Variants in TAX1BP1 observed in about 807,000 individuals in gnomAD.
TAX1BP1 encodes the protein Tax1 binding protein 1, also known as tax1-binding protein 1.
TAX1BP1 carries 62 observed loss-of-function variants against 97.7 expected under a neutral mutation model. That is an observed-to-expected ratio of 0.63 (90% CI 0.52 to 0.78). TAX1BP1 has a LOEUF of 0.78. Ranked by LOEUF, TAX1BP1 falls within the 30% of genes least tolerant of loss-of-function variation. The probability of loss-of-function intolerance (pLI) is 0.00; values close to 1 mark genes in which losing one functional copy is unlikely to be tolerated. For synonymous variants in TAX1BP1, 340 were observed against 304.2 expected, an observed-to-expected ratio of 1.12 and a Z score of -1.23; for missense variants, 867 against 916.1, an observed-to-expected ratio of 0.95 and a Z score of 0.69.
intron 5 of TAX1BP1, among the ~76,000 whole-genome samples, chr7:27,778,369 T>C (rs1163207185): frequency 6.6e-6 from 1 of 152,130 alleles, no homozygotes; most frequent in African/African-American, 2.4e-5. Flanking sequence ...GTTCGCCTAG[T>C]CACACTCTTG....
chr7:27,813,559 G>C (rs1018607816), intron 13 of TAX1BP1, among the ~76,000 whole-genome samples: 1 of 151,974 alleles, frequency 6.6e-6, no homozygotes, highest in Non-Finnish European at 1.5e-5. Context: ...TTGCCATGTT[G>C]CCCAGGCTGG....
At chr7:27,764,891 C>T (rs2128311142) in intron 3 of TAX1BP1, among the ~76,000 whole-genome samples, 1 of 148,004 alleles carries the variant, frequency 6.8e-6, no homozygotes, top group South Asian at 2.1e-4. Context: ...AAGTGGGCTC[C>T]TGTATTTTTT....
chr7:27,765,933 C>T lies in TAX1BP1; in HGVS notation c.365C>T (p.Ala122Val). Reference protein sequence around the residue: ...RGASTPFQFRASSPVEELLTM... With the variant: ...RGASTPFQFRVSSPVEELLTM... ...GCAAGTACACCTTTCCAGTTTCGAG[C>T]TTCTTCTCCAGTTGAAGAGCTGCTT... Residue 122 changes from alanine (A) to valine (V), a missense_variant, in exon 4 of 17, where the codon GCT becomes GTT. This residue lies in a region of TAX1BP1 where 822 missense variants were observed against 851.4 expected (regional missense o/e 0.97). Transcript: ENST00000396319. 1 of 1,614,146 alleles carries T rather than the reference C, an allele frequency of 6.2e-7. No homozygotes were observed. The highest frequency in any genetic ancestry group is 8.5e-7 in the Non-Finnish European group (1 of 1,180,018).
intron 15 of TAX1BP1, among the ~76,000 whole-genome samples, chr7:27,817,472 G>A (rs1277812726): frequency 1.3e-5 from 2 of 152,096 alleles, no homozygotes; most frequent in African/African-American, 4.8e-5. Flanking sequence ...TTAGATTTTA[G>A]TGTGGACTCT....
chr7:27,775,162 A>C (rs1342299765), intron 5 of TAX1BP1, among the ~76,000 whole-genome samples: 2 of 152,200 alleles, frequency 1.3e-5, no homozygotes, highest in African/African-American at 4.8e-5. Context: ...CCAGGAAAAA[A>C]ATAATCCAAG....
chr7:27,792,061 C>A lies in TAX1BP1; in HGVS notation c.1094C>A (p.Ala365Glu), dbSNP rs905688332. ...CGTAAAGCAGAGGAACAGGTTCAGG[C>A]AACTCGGCAAGAAGTTGTCTTTCTG... is the stretch of plus-strand genomic sequence containing the variant. ...QLRKAEEQVQ[A>E]TRQEVVFLAK... is the part of the protein sequence containing the mutation. Residue 365 changes from alanine to glutamate, a missense_variant, in exon 9 of 17, where the codon GCA becomes GAA. This residue lies in a region of TAX1BP1 where 822 missense variants were observed against 851.4 expected (regional missense o/e 0.97). Transcript: ENST00000396319. The A allele has an allele frequency of 6.2e-7, 1 of 1,614,042 alleles. No homozygotes were observed. Among genetic ancestry groups the A allele is most frequent in the Non-Finnish European group, 8.5e-7 (1 of 1,180,008 alleles).
At chr7:27,742,568 A>G (rs1307599657) in intron 1 of TAX1BP1, among the ~76,000 whole-genome samples, 1 of 152,102 alleles carries the variant, frequency 6.6e-6, no homozygotes, top group East Asian at 1.9e-4. Flanking sequence ...TCCTATGTCT[A>G]CTTCTTTCTA....
chr7:27,767,236 A>G (rs970623626), intron 4 of TAX1BP1, among the ~76,000 whole-genome samples: 1 of 152,256 alleles, frequency 6.6e-6, no homozygotes, highest in East Asian at 1.9e-4. Context: ...TTGGTTCAGT[A>G]TACATTTTTG....
chr7:27,808,020 G>A (rs1790407695), intron 13 of TAX1BP1, among the ~76,000 whole-genome samples: 1 of 151,980 alleles, frequency 6.6e-6, no homozygotes. Flanking sequence ...ATTACTTTCT[G>A]GTGCAGAAGG....
chr7:27,782,090 C>T (rs536404211), intron 5 of TAX1BP1, among the ~76,000 whole-genome samples: 1 of 152,194 alleles, frequency 6.6e-6, no homozygotes, highest in Admixed American at 6.5e-5. Flanking sequence ...CATTTTCACT[C>T]TCTTTTTAAA....
intron 5 of TAX1BP1, among the ~76,000 whole-genome samples, chr7:27,779,368 A>G (rs962086464): frequency 9.9e-5 from 15 of 152,140 alleles, no homozygotes; most frequent in Admixed American, 2.0e-4. Context: ...GAGATCCTCT[A>G]CCATATGTAT....
chr7:27,802,892 C>T (rs1790192902), intron 13 of TAX1BP1, among the ~76,000 whole-genome samples: 1 of 152,064 alleles, frequency 6.6e-6, no homozygotes, highest in Non-Finnish European at 1.5e-5. Flanking sequence ...TGAAAATATT[C>T]ATGCAATTTC....
intron 15 of TAX1BP1, 63 bp from the exon 16 acceptor site, chr7:27,827,675 G>C: frequency 7.2e-7 from 1 of 1,383,288 alleles, no homozygotes; most frequent in Non-Finnish European, 1.0e-6. Context: ...GTGCTTGATT[G>C]AATTAAGGAA....
intron 8 of TAX1BP1, 107 bp from the exon 9 acceptor site, chr7:27,791,899 C>G: frequency 1.0e-6 from 1 of 967,312 alleles, no homozygotes; most frequent in Non-Finnish European, 1.6e-6. Context: ...AGTAGAAAAA[C>G]CAATATCTAA....
In TAX1BP1 at chr7:27,789,429, G is replaced by A. The variant is rs537944729; in HGVS notation, c.1038+1826G>A. On this transcript the variant is annotated intron_variant, in intron 8 of 16. Coordinates refer to ENST00000396319, the MANE Select transcript of TAX1BP1 (RefSeq NM_006024.7). ...TTTTTTAAACCCTTTTCTTACCTAT[G>A]CCCATAGATAAACATTTTCATAAGT... Among the ~76,000 whole-genome samples the A allele has an allele frequency of 7.9e-5, 12 of 151,442 alleles. No homozygotes were observed. In the East Asian group the frequency reaches 2.1e-3, roughly 27 times the overall value.
At chr7:27,825,945 A>C (rs1055181335) in intron 15 of TAX1BP1, among the ~76,000 whole-genome samples, 6 of 152,156 alleles carry the variant, frequency 3.9e-5, no homozygotes, top group African/African-American at 1.4e-4. Flanking sequence ...TTTCTTCAGC[A>C]TTTCAATATT....
At position 27,785,260 on chromosome 7, in the gene TAX1BP1, A is replaced by G. The variant is rs1200240156; in HGVS notation, c.710A>G (p.Asp237Gly). The change falls in exon 6 of 17, where the codon GAT (aspartate) becomes GGT (glycine). Residue 237 changes from aspartate to glycine, a missense_variant. Transcript: ENST00000396319. Reference sequence around the variant, plus strand: ...TCCAAAGCCCATCAGCTTGAGGAAGATATTGTGTCAGTAACACATAAAGCA... The same window carrying G: ...TCCAAAGCCCATCAGCTTGAGGAAGGTATTGTGTCAGTAACACATAAAGCA... Reference protein sequence around the residue: ...ATSKAHQLEEDIVSVTHKAIE... With the variant: ...ATSKAHQLEEGIVSVTHKAIE... The G allele has an allele frequency of 1.2e-6, 2 of 1,613,368 alleles. No individual in the cohort carries two copies. The highest frequency in any genetic ancestry group is 1.1e-5 in the South Asian group (1 of 90,980).
In TAX1BP1 at chr7:27,769,792, C is replaced by T. The variant is rs1182614276; in HGVS notation, c.570C>T (p.Asn190=). ...EQVGRMEREL[N]HEKERCDQLQ... is the part of the protein sequence containing the mutation. Reference sequence around the variant, plus strand: ...TTGGGAGAATGGAAAGAGAACTTAACCATGAGAAAGAAAGATGTGACCAAC... The same window carrying T: ...TTGGGAGAATGGAAAGAGAACTTAATCATGAGAAAGAAAGATGTGACCAAC... The change falls in exon 5 of 17, where the codon AAC becomes AAT. Residue 190 remains asparagine (N), a synonymous_variant. Transcript: ENST00000396319. The T allele has an allele frequency of 6.2e-7, 1 of 1,612,426 alleles. No homozygotes were observed. The highest frequency in any genetic ancestry group is 2.2e-5 in the East Asian group (1 of 44,770).
intron 15 of TAX1BP1, among the ~76,000 whole-genome samples, chr7:27,818,879 G>A (rs1790874368): frequency 6.6e-6 from 1 of 152,146 alleles, no homozygotes; most frequent in African/African-American, 2.4e-5. Flanking sequence ...TCACTTAGCT[G>A]CTGTGGGTAG....
Sources: allele counts gnomAD v4.1 joint callset (sites outside exome capture counted in the v4.1 genomes callset), GRCh38; gene constraint gnomAD v4.1.1; regional missense constraint gnomAD v4.1.1; transcripts MANE v1.5; gene names NCBI Gene and HGNC (gene_info 2026-07-23, HGNC 2026-07-21).